Variants in C1orf94 observed in about 807,000 individuals in gnomAD.
C1orf94 encodes the protein uncharacterized protein C1orf94.
A neutral mutation model predicts 53.6 loss-of-function variants in C1orf94; 45 were observed. The observed-to-expected ratio is 0.84, with a 90% confidence interval of 0.66 to 1.08. C1orf94 has a LOEUF of 1.08. C1orf94 is among the 50% of genes least tolerant of loss of function. The probability of loss-of-function intolerance (pLI) is 0.00; values close to 1 mark genes in which losing one functional copy is unlikely to be tolerated. For synonymous variants in C1orf94, 304 were observed against 296.1 expected (o/e 1.03, Z -0.27); for missense variants, 762 against 738.9 (o/e 1.03, Z -0.36).
intron 4 of C1orf94, among the ~76,000 whole-genome samples, chr1:34,206,737 A>G (rs2148621038): frequency 6.6e-6 from 1 of 152,304 alleles, no homozygotes; most frequent in Middle Eastern, 3.4e-3. Flanking sequence ...TGCTCTGTCC[A>G]GGTTCAGGCA....
intron 1 of C1orf94, among the ~76,000 whole-genome samples, chr1:34,185,268 C>T (rs1406367062): frequency 6.6e-6 from 1 of 152,170 alleles, no homozygotes; most frequent in Admixed American, 6.5e-5. Flanking sequence ...CAACCTCCAC[C>T]TCCCGGGTTC....
upstream of C1orf94, among the ~76,000 whole-genome samples, chr1:34,176,628 C>T (rs1642229707): frequency 6.6e-6 from 1 of 152,028 alleles, no homozygotes. Context: ...CCGTGTAGAA[C>T]GATAATAAAA....
intron 1 of C1orf94, among the ~76,000 whole-genome samples, chr1:34,182,784 G>A (rs553551391): frequency 6.6e-6 from 1 of 152,308 alleles, no homozygotes; most frequent in East Asian, 1.9e-4. Context: ...AAGGTGGGGA[G>A]TGTAGGGCCT....
chr1:34,209,952 GT>G (rs946524740), intron 5 of C1orf94, among the ~76,000 whole-genome samples: 20 of 152,188 alleles, frequency 1.3e-4, no homozygotes, highest in Admixed American at 3.3e-4. Context: ...CTGTTTAATG[GT>G]TTTTTACATA....
rs977381114 is a variant in C1orf94 at position 34,212,213 on chromosome 1, A to G, written c.1528A>G (p.Met510Val). 6.2e-7 allele frequency: 1 copy of G among 1,608,310 alleles called. No homozygotes were observed. The highest frequency in any genetic ancestry group is 8.5e-7 in the Non-Finnish European group (1 of 1,177,064). The change falls in exon 6 of 7, where the codon ATG becomes GTG. Residue 510 changes from methionine to valine, a missense_variant. Coordinates refer to ENST00000488417, the MANE Select transcript of C1orf94 (RefSeq NM_001134734.2). ...CTCTCTTCTCTGTGATGTGCAGGTG[A>G]TGCCATACAACCCACAGCAGATGGG... ...PQLGCYSQQV[M>V]PYNPQQMGQQ...
At chr1:34,213,159 G>A (rs1034808236) in intron 6 of C1orf94, among the ~76,000 whole-genome samples, 6 of 152,156 alleles carry the variant, frequency 3.9e-5, no homozygotes, top group Admixed American at 6.5e-5. Flanking sequence ...CCAGTCTCCC[G>A]GGCACACCCT....
At chr1:34,184,899 C>T (rs1220585689) in intron 1 of C1orf94, among the ~76,000 whole-genome samples, 2 of 152,008 alleles carry the variant, frequency 1.3e-5, no homozygotes, top group Admixed American at 6.6e-5. Context: ...AAAGACAAGA[C>T]TCAGATACGG....
At chr1:34,217,129 C>T (rs554481207) in intron 6 of C1orf94, among the ~76,000 whole-genome samples, 196 of 152,248 alleles carry the variant, frequency 1.3e-3, no homozygotes, top group African/African-American at 4.2e-3. Flanking sequence ...AACATAGAGG[C>T]CGGCCCAGGC....
rs1642249427 is a variant in C1orf94 at position 34,177,642 on chromosome 1, G to A, written c.-148G>A. 1.5e-6 allele frequency: 1 copy of A among 651,578 alleles called. No individual in the cohort carries two copies. Among genetic ancestry groups the A allele is most frequent in the Non-Finnish European group, 2.5e-6 (1 of 393,094 alleles). The allele number at this position is 651,578 out of a possible 1,614,324, so 40.4% of individuals were successfully genotyped here. A position where few individuals can be genotyped will look rare whatever the true frequency, so the allele number is the denominator to read the frequency against. ...AGCAAATAAAAACAAATCAAAATAAGCCCTCCCCTCCCCAAAAGAAAGCTG... is the reference window on the plus strand; with the variant it reads ...AGCAAATAAAAACAAATCAAAATAAACCCTCCCCTCCCCAAAAGAAAGCTG... On this transcript the variant is annotated 5_prime_UTR_variant, in exon 1 of 7. Coordinates refer to ENST00000488417, the MANE Select transcript of C1orf94 (RefSeq NM_001134734.2).
At chr1:34,184,680 G>A (rs1277422266) in intron 1 of C1orf94, among the ~76,000 whole-genome samples, 1 of 152,220 alleles carries the variant, frequency 6.6e-6, no homozygotes, top group African/African-American at 2.4e-5. Flanking sequence ...CTCCACACTG[G>A]TGAGCAAGTG....
chr1:34,202,357 ACTC>A (rs773736776), intron 4 of C1orf94, 98 bp downstream of exon 4: 25 of 1,330,390 alleles, frequency 1.9e-5, no homozygotes, highest in Non-Finnish European at 2.6e-5. Flanking sequence ...GAGTCTTTAG[ACTC>A]CTCTGAATCC....
At chr1:34,171,160 C>A (rs908721980) in intron 1 of C1orf94, among the ~76,000 whole-genome samples, 2 of 152,166 alleles carry the variant, frequency 1.3e-5, no homozygotes, top group African/African-American at 4.8e-5. Context: ...TCTGTCCCTG[C>A]CAGCCCCTCT....
At chr1:34,193,776 G>A (rs1011348118) in intron 1 of C1orf94, among the ~76,000 whole-genome samples, 2 of 152,224 alleles carry the variant, frequency 1.3e-5, no homozygotes, top group Admixed American at 6.5e-5. Context: ...GTAGGCTCAC[G>A]GCAAATGCAA....
At chr1:34,215,432 C>G (rs373172291) in intron 6 of C1orf94, among the ~76,000 whole-genome samples, 1 of 152,184 alleles carries the variant, frequency 6.6e-6, no homozygotes, top group Non-Finnish European at 1.5e-5. Context: ...CTATATAAAA[C>G]AGATCACATT....
upstream of C1orf94, among the ~76,000 whole-genome samples, chr1:34,173,029 A>G (rs1299696900): frequency 1.3e-5 from 2 of 152,270 alleles, no homozygotes; most frequent in African/African-American, 4.8e-5. Context: ...AATACAAAGA[A>G]GAAAACTGCC....
chr1:34,188,644 A>G (rs1376238492), intron 1 of C1orf94, among the ~76,000 whole-genome samples: 3 of 152,176 alleles, frequency 2.0e-5, no homozygotes, highest in African/African-American at 7.2e-5. Flanking sequence ...CAGAGCTGCT[A>G]ACATTTGCAT....
At chr1:34,206,067 G>A (rs538048554) in intron 4 of C1orf94, among the ~76,000 whole-genome samples, 1 of 152,320 alleles carries the variant, frequency 6.6e-6, no homozygotes, top group East Asian at 1.9e-4. Context: ...CTGAGAATCC[G>A]CCCTGGGACT....
At chr1:34,207,609 T>A (rs955651870) in intron 4 of C1orf94, among the ~76,000 whole-genome samples, 1 of 152,160 alleles carries the variant, frequency 6.6e-6, no homozygotes, top group African/African-American at 2.4e-5. Context: ...TACACAGAAA[T>A]ACACAGCTGC....
chr1:34,182,139 G>A (rs188945533), intron 1 of C1orf94, among the ~76,000 whole-genome samples: 118 of 152,324 alleles, frequency 7.7e-4, no homozygotes, highest in African/African-American at 2.7e-3. Context: ...AGGCTGCAAT[G>A]AGCCAAGATT....
Sources: gnomAD v4.1 joint callset for allele counts (sites outside exome capture counted in the v4.1 genomes callset) on GRCh38, gnomAD v4.1.1 for gene constraint, MANE v1.5 for transcripts, NCBI Gene and HGNC (gene_info 2026-07-23, HGNC 2026-07-21) for gene names.